The following ATPSCKMT variants were observed in gnomAD, a reference collection of about 807,000 sequenced individuals.
ATPSCKMT encodes ATP synthase subunit C lysine N-methyltransferase.
Under a neutral mutation model 24.3 loss-of-function variants are expected in ATPSCKMT, and 24 were observed. The ratio of observed to expected loss-of-function variants is 0.99; its 90% confidence interval spans 0.71 to 1.39. The LOEUF is 1.39. ATPSCKMT is among the 40% of genes most tolerant of loss of function. The probability of loss-of-function intolerance (pLI) is 0.00; values close to 1 mark genes in which losing one functional copy is unlikely to be tolerated. For synonymous variants in ATPSCKMT, 95 were observed against 110.5 expected (o/e 0.86, Z 0.88); for missense variants, 311 against 298.4 (o/e 1.04, Z -0.31).
intron 1 of ATPSCKMT, among the ~76,000 whole-genome samples, chr5:10,240,033 T>C (rs1005817083): frequency 2.7e-5 from 4 of 150,268 alleles, no homozygotes; most frequent in Non-Finnish European, 5.9e-5. Flanking sequence ...GAGACCATCC[T>C]GGCTAACATG....
intron 4 of ATPSCKMT, among the ~76,000 whole-genome samples, chr5:10,232,010 C>A (rs779340153): frequency 4.6e-5 from 7 of 152,204 alleles, no homozygotes; most frequent in Non-Finnish European, 1.5e-5. Context: ...TGAGACCAGC[C>A]TGGGCAACAT....
intron 4 of ATPSCKMT, among the ~76,000 whole-genome samples, chr5:10,229,872 C>G (rs1024843085): frequency 6.6e-6 from 1 of 152,266 alleles, no homozygotes; most frequent in African/African-American, 2.4e-5. Flanking sequence ...GCTGGCTTCT[C>G]TGTCCTTTGG....
intron 1 of ATPSCKMT, among the ~76,000 whole-genome samples, chr5:10,240,764 G>A (rs941100127): frequency 6.6e-5 from 10 of 152,096 alleles, no homozygotes; most frequent in East Asian, 1.9e-4. Flanking sequence ...GGGAGGCCAC[G>A]GCGGGCAGAT....
At chr5:10,236,438 TC>T (rs1354434884) in intron 3 of ATPSCKMT, 39 bp downstream of exon 3, 2 of 1,577,544 alleles carry the variant, frequency 1.3e-6, no homozygotes, top group East Asian at 4.5e-5. Flanking sequence ...AATAAAATTT[TC>T]CCTTGGATTT....
chr5:10,227,259 C>A lies in ATPSCKMT; in HGVS notation c.*182G>T. Reference sequence around the variant, plus strand: ...AGTACAATTTTTAAGAAAATAGCATCAAAAGCAGATTTTAAATCTACCTGT... The same window carrying A: ...AGTACAATTTTTAAGAAAATAGCATAAAAAGCAGATTTTAAATCTACCTGT... On this transcript the variant is annotated 3_prime_UTR_variant, in exon 5 of 5. Coordinates refer to ENST00000511437, the MANE Select transcript of ATPSCKMT (RefSeq NM_199133.4). The A allele has an allele frequency of 3.1e-6, 2 of 652,080 alleles. No individual in the cohort carries two copies. The highest frequency in any genetic ancestry group is 3.0e-5 in the Admixed American group (1 of 32,994). 40.4% of individuals were successfully genotyped at this position (652,080 alleles called of 1,614,324 possible). A position where few individuals can be genotyped will look rare whatever the true frequency, so the allele number is the denominator to read the frequency against.
At chr5:10,228,645 T>A (rs1049323571) in intron 4 of ATPSCKMT, among the ~76,000 whole-genome samples, 3 of 152,184 alleles carry the variant, frequency 2.0e-5, no homozygotes, top group Non-Finnish European at 4.4e-5. Flanking sequence ...AAAGTTGCAA[T>A]AACAGAACAA....
chr5:10,246,198 G>C (rs1291613451), intron 1 of ATPSCKMT, among the ~76,000 whole-genome samples: 1 of 152,082 alleles, frequency 6.6e-6, no homozygotes, highest in East Asian at 1.9e-4. Flanking sequence ...GGGAGGCCGA[G>C]GTGGGCGGAT....
intron 3 of ATPSCKMT, chr5:10,236,212 T>C (rs1029076105): frequency 9.8e-6 from 3 of 306,696 alleles, no homozygotes; most frequent in Non-Finnish European, 1.8e-5. Context: ...AATCTCATTA[T>C]TTTGTAAGAA....
At chr5:10,234,333 A>G (rs537220178) in intron 4 of ATPSCKMT, among the ~76,000 whole-genome samples, 1 of 152,210 alleles carries the variant, frequency 6.6e-6, no homozygotes, top group Non-Finnish European at 1.5e-5. Flanking sequence ...GGCTCAAAAA[A>G]AAAAGAATAT....
chr5:10,229,173 C>T (rs948968097), intron 4 of ATPSCKMT, among the ~76,000 whole-genome samples: 6 of 152,176 alleles, frequency 3.9e-5, no homozygotes, highest in Non-Finnish European at 8.8e-5. Flanking sequence ...GTCATTGCCC[C>T]AATAATGTTC....
chr5:10,242,070 T>C (rs1308560519), intron 1 of ATPSCKMT, among the ~76,000 whole-genome samples: 1 of 152,160 alleles, frequency 6.6e-6, no homozygotes, highest in African/African-American at 2.4e-5. Flanking sequence ...GGCCTTGACG[T>C]TAATGGTTGC....
intron 2 of ATPSCKMT, among the ~76,000 whole-genome samples, chr5:10,238,342 T>C (rs1744470331): frequency 6.6e-6 from 1 of 152,244 alleles, no homozygotes; most frequent in South Asian, 2.1e-4. Flanking sequence ...GTGATTATTC[T>C]AGCTCAGAAT....
chr5:10,240,454 A>G (rs1210846235), intron 1 of ATPSCKMT, among the ~76,000 whole-genome samples: 1 of 152,120 alleles, frequency 6.6e-6, no homozygotes, highest in Non-Finnish European at 1.5e-5. Context: ...ACAGTACAGG[A>G]GGTAAAAGCA....
intron 1 of ATPSCKMT, among the ~76,000 whole-genome samples, chr5:10,246,339 G>C (rs571108108): frequency 3.9e-5 from 6 of 152,192 alleles, no homozygotes; most frequent in African/African-American, 1.2e-4. Context: ...GAGGCTGGGG[G>C]CAAGAGAATC....
chr5:10,241,511 T>C (rs1217645084), intron 1 of ATPSCKMT, among the ~76,000 whole-genome samples: 1 of 152,188 alleles, frequency 6.6e-6, no homozygotes, highest in Non-Finnish European at 1.5e-5. Context: ...TTGTTCTTGA[T>C]TCCTGAAGCC....
At chr5:10,247,707 G>A (rs904961176) in intron 1 of ATPSCKMT, among the ~76,000 whole-genome samples, 12 of 152,052 alleles carry the variant, frequency 7.9e-5, no homozygotes, top group Admixed American at 3.3e-4. Flanking sequence ...TCCTTCTAAC[G>A]GAACATGTTC....
intron 1 of ATPSCKMT, among the ~76,000 whole-genome samples, chr5:10,241,131 A>C (rs1172056567): frequency 6.6e-6 from 1 of 152,012 alleles, no homozygotes; most frequent in Admixed American, 6.6e-5. Context: ...CTGCTTCCAG[A>C]GGCTGCCCAC....
chr5:10,248,667 C>G (rs1033629358), intron 1 of ATPSCKMT, among the ~76,000 whole-genome samples: 3 of 152,236 alleles, frequency 2.0e-5, no homozygotes, highest in Non-Finnish European at 4.4e-5. Context: ...CCTGCCTCAG[C>G]CCCAGAGTAG....
At chr5:10,248,296 C>A (rs962592116) in intron 1 of ATPSCKMT, 10 of 152,350 alleles carry the variant, frequency 6.6e-5, no homozygotes, top group African/African-American at 2.4e-4. Flanking sequence ...TCCTCTCTCA[C>A]TCCCCAGTGT....
Sources: gnomAD v4.1 joint callset for allele counts (sites outside exome capture counted in the v4.1 genomes callset) on GRCh38, gnomAD v4.1.1 for gene constraint, MANE v1.5 for transcripts, NCBI Gene and HGNC (gene_info 2026-07-23, HGNC 2026-07-21) for gene names.